Variants in EIF3H observed in about 807,000 individuals in gnomAD.
EIF3H encodes the protein eukaryotic translation initiation factor 3 subunit H.
A neutral mutation model predicts 44.2 loss-of-function variants in EIF3H; 26 were observed. The ratio of observed to expected loss-of-function variants is 0.59; its 90% CI spans 0.43 to 0.82. The LOEUF is 0.82. EIF3H is among the 40% of genes least tolerant of loss of function. The pLI, the probability that EIF3H is intolerant of heterozygous loss-of-function variation, is 0.00. For missense variants in EIF3H, 359 were observed against 432.8 expected (o/e 0.83, Z 1.51); for synonymous variants, 166 against 151.9 (o/e 1.09, Z -0.68).
chr8:116,677,000 T>A (rs759860678), intron 2 of EIF3H, among the ~76,000 whole-genome samples: 3 of 152,098 alleles, frequency 2.0e-5, no homozygotes, highest in Non-Finnish European at 4.4e-5. Flanking sequence ...CCTTATGGTA[T>A]GTAAAAGAAA....
intron 1 of EIF3H, among the ~76,000 whole-genome samples, chr8:116,740,002 A>G (rs1292329801): frequency 6.6e-6 from 1 of 152,038 alleles, no homozygotes; most frequent in Non-Finnish European, 1.5e-5. Context: ...ACACACACAC[A>G]CACAAAGCCC....
chr8:116,669,959 G>C (rs1813727004), intron 2 of EIF3H, among the ~76,000 whole-genome samples: 1 of 152,050 alleles, frequency 6.6e-6, no homozygotes, highest in Admixed American at 6.6e-5. Context: ...AGCATTCCAA[G>C]CTAAGAAAAA....
At chr8:116,658,738 G>A in intron 3 of EIF3H, 75 bp downstream of exon 3, 1 of 1,493,548 alleles carries the variant, frequency 6.7e-7, no homozygotes, top group Non-Finnish European at 9.0e-7. Context: ...ACTGCTCTTA[G>A]AGGCAAAAAG....
chr8:116,676,659 T>C (rs562677318), intron 2 of EIF3H, among the ~76,000 whole-genome samples: 10 of 152,316 alleles, frequency 6.6e-5, no homozygotes, highest in Admixed American at 2.0e-4. Flanking sequence ...AAGCCTGAAT[T>C]AGTATGACAG....
At chr8:116,743,827 CACACACACACAT>C (rs1298402888) in intron 1 of EIF3H, among the ~76,000 whole-genome samples, 3 of 135,428 alleles carry the variant, frequency 2.2e-5, no homozygotes, top group Admixed American at 7.8e-5. Flanking sequence ...CACACACACA[CACACACACACAT>C]ATATAAATAA....
At chr8:116,677,837 G>A (rs1314038480) in intron 2 of EIF3H, among the ~76,000 whole-genome samples, 1 of 152,052 alleles carries the variant, frequency 6.6e-6, no homozygotes, top group Non-Finnish European at 1.5e-5. Flanking sequence ...CTAGAATAAG[G>A]TTACAATTCT....
intron 1 of EIF3H, among the ~76,000 whole-genome samples, chr8:116,764,397 C>T (rs116517955): frequency 2.7e-4 from 41 of 152,276 alleles, no homozygotes; most frequent in African/African-American, 9.4e-4. Flanking sequence ...CATTTGGCAT[C>T]TAAACAAAAG....
intron 1 of EIF3H, among the ~76,000 whole-genome samples, chr8:116,744,786 T>C (rs924383912): frequency 1.4e-4 from 22 of 152,260 alleles, no homozygotes; most frequent in African/African-American, 5.1e-4. Flanking sequence ...AACTAAGTTT[T>C]CTGTAAGTGC....
chr8:116,647,819 G>A (rs1337135767), intron 6 of EIF3H, among the ~76,000 whole-genome samples: 1 of 152,060 alleles, frequency 6.6e-6, no homozygotes, highest in Non-Finnish European at 1.5e-5. Flanking sequence ...TACCCTGGAT[G>A]AGTCCTTCAC....
chr8:116,755,530 A>G, intron 1 of EIF3H, 136 bp downstream of exon 1: 1 of 1,167,180 alleles, frequency 8.6e-7, no homozygotes. Flanking sequence ...TGAAGATGAA[A>G]GAGAAACGTA....
intron 2 of EIF3H, among the ~76,000 whole-genome samples, chr8:116,714,358 T>G (rs754284108): frequency 1.3e-5 from 2 of 152,100 alleles, no homozygotes; most frequent in Non-Finnish European, 2.9e-5. Flanking sequence ...TTCGCATCAT[T>G]TTTTCCTTCC....
At chr8:116,715,019 T>A (rs111607698) in intron 2 of EIF3H, among the ~76,000 whole-genome samples, 1 of 151,986 alleles carries the variant, frequency 6.6e-6, no homozygotes, top group Non-Finnish European at 1.5e-5. Context: ...AAGCAGAGAT[T>A]TTCTCCAATG....
chr8:116,748,836 C>G (rs1467446375), intron 1 of EIF3H, among the ~76,000 whole-genome samples: 1 of 152,200 alleles, frequency 6.6e-6, no homozygotes, highest in East Asian at 1.9e-4. Context: ...TCCTATATAT[C>G]ATCCCTAGAT....
At chr8:116,685,222 A>G (rs1191304812) in intron 2 of EIF3H, among the ~76,000 whole-genome samples, 1 of 152,232 alleles carries the variant, frequency 6.6e-6, no homozygotes, top group African/African-American at 2.4e-5. Flanking sequence ...GATACCCTAC[A>G]GAGAAACAGA....
In EIF3H at chr8:116,644,369, A is replaced by C. The variant is rs1346324050; in HGVS notation, c.*637T>G. On this transcript the variant is annotated 3_prime_UTR_variant, in exon 8 of 8. Coordinates refer to ENST00000521861, the MANE Select transcript of EIF3H (RefSeq NM_003756.3). Reference sequence around the variant, plus strand: ...TGTGCCACTACACTCCAGCCTGGGCAACAAAGTGAGACTCTGTCTTTAAAA... The same window carrying C: ...TGTGCCACTACACTCCAGCCTGGGCCACAAAGTGAGACTCTGTCTTTAAAA... The C allele has an allele frequency of 6.6e-6, 1 of 152,256 alleles. No homozygotes were observed. Among genetic ancestry groups the C allele is most frequent in the East Asian group, 1.9e-4 (1 of 5,206 alleles). The allele number at this position is 152,256 out of a possible 1,614,324, so 9.4% of individuals were successfully genotyped here. A position where few individuals can be genotyped will look rare whatever the true frequency, so the allele number is the denominator to read the frequency against.
Position 116,642,543 on chromosome 8 carries a change from T to C in EIF3H, c.*2463A>G, listed in dbSNP as rs994702142. ...TTATTATCAATGATTAGAAAGTTAA[T>C]GTCAAATATCTTCTACTTTCTTGGT... On this transcript the variant is annotated 3_prime_UTR_variant, in exon 8 of 8. Coordinates refer to ENST00000521861, the MANE Select transcript of EIF3H (RefSeq NM_003756.3). The C allele has an allele frequency of 9.9e-5, 15 of 151,050 alleles. No individual in the cohort carries two copies. The highest frequency in any genetic ancestry group is 3.0e-4 in the African/African-American group (12 of 40,368). The allele number at this position is 151,050 out of a possible 1,614,324, so 9.4% of individuals were successfully genotyped here. A position where few individuals can be genotyped will look rare whatever the true frequency, so the allele number is the denominator to read the frequency against.
rs1813255241 is a variant in EIF3H at position 116,643,580 on chromosome 8, C to G, written c.*1426G>C. 6.6e-6 allele frequency: 1 copy of G among 152,196 alleles called. No individual in the cohort carries two copies. The highest frequency in any genetic ancestry group is 1.5e-5 in the Non-Finnish European group (1 of 68,044). The allele number at this position is 152,196 out of a possible 1,614,324, so 9.4% of individuals were successfully genotyped here. On this transcript the variant is annotated 3_prime_UTR_variant, in exon 8 of 8. Transcript: ENST00000521861. ...AAACCCCCAACAAACGTCTTCAACA[C>G]TCACAGCCACCTTGTGAGGTAACAG...
intron 2 of EIF3H, among the ~76,000 whole-genome samples, chr8:116,713,874 G>A (rs529467482): frequency 6.6e-6 from 1 of 152,038 alleles, no homozygotes; most frequent in Non-Finnish European, 1.5e-5. Context: ...TCATAATTCA[G>A]TGTACAGATT....
chr8:116,733,946 G>A (rs1814990710), intron 1 of EIF3H, among the ~76,000 whole-genome samples: 1 of 152,038 alleles, frequency 6.6e-6, no homozygotes, highest in Non-Finnish European at 1.5e-5. Context: ...TTACATTTTT[G>A]TAAATCTTTT....
Sources: allele counts gnomAD v4.1 joint callset (sites outside exome capture counted in the v4.1 genomes callset), GRCh38; gene constraint gnomAD v4.1.1; transcripts MANE v1.5; gene names NCBI Gene and HGNC (gene_info 2026-07-23, HGNC 2026-07-21).